Variants in HSF2 observed in about 807,000 individuals in gnomAD.
The protein encoded by HSF2 is heat shock factor protein 2.
A neutral mutation model predicts 65.0 loss-of-function variants in HSF2; 21 were observed. The ratio of observed to expected loss-of-function variants is 0.32; its 90% CI spans 0.23 to 0.47. The LOEUF (loss-of-function observed/expected upper bound fraction) is 0.47. Among genes scored for constraint, HSF2 ranks in the 20% least tolerant of loss-of-function variants. HSF2 has a pLI of 1.00. For missense variants in HSF2, 499 were observed against 628.1 expected (o/e 0.79, Z 2.20); for synonymous variants, 225 against 219.1 (o/e 1.03, Z -0.24).
Position 122,432,321 on chromosome 6 carries a change from G to C in HSF2, c.*101G>C, listed in dbSNP as rs977321497. On this transcript the variant is annotated 3_prime_UTR_variant, in exon 13 of 13. Transcript: ENST00000368455. ...CTTTTTTTGTAAATTGCTTTGTTTT[G>C]TTTAATCAGATACTGTGGAATAAAA... 3.0e-6 allele frequency: 3 copies of C among 987,724 alleles called. No homozygotes were observed. Among genetic ancestry groups the C allele is most frequent in the Non-Finnish European group, 4.5e-6 (3 of 664,886 alleles). The allele number at this position is 987,724 out of a possible 1,614,324, so 61.2% of individuals were successfully genotyped here. A position where few individuals can be genotyped will look rare whatever the true frequency, so the allele number is the denominator to read the frequency against.
chr6:122,431,979 A>ACC lies in HSF2; in HGVS notation c.1372_1373dup (p.Ala459LeufsTer20). On this transcript the variant is annotated frameshift_variant, in exon 13 of 13. Transcript: ENST00000368455. LOFTEE classifies it high-confidence loss of function. Reference sequence around the variant, plus strand: ...CCACTTCTTGCATTCCTCGATGGGAACCCTGCTTCTTCTGTTGAACAGGCG... The same window carrying ACC: ...CCACTTCTTGCATTCCTCGATGGGAACCCCCTGCTTCTTCTGTTGAACAGGCG... The ACC allele has an allele frequency of 6.2e-7, 1 of 1,614,002 alleles. No individual in the cohort carries two copies. Among genetic ancestry groups the ACC allele is most frequent in the Non-Finnish European group, 8.5e-7 (1 of 1,179,936 alleles).
At position 122,432,074 on chromosome 6, in the gene HSF2, A is replaced by G. The variant is rs748541263; in HGVS notation, c.1465A>G (p.Ser489Gly). 1.9e-6 allele frequency: 3 copies of G among 1,614,166 alleles called. No homozygotes were observed. In the South Asian group the frequency reaches 3.3e-5, roughly 18 times the overall value. Residue 489 changes from serine to glycine, a missense_variant, in exon 13 of 13, where the codon AGC becomes GGC. By Grantham distance (56) the Ser-to-Gly change is moderately conservative (BLOSUM62 0). Transcript: ENST00000368455. Reference protein sequence around the residue: ...KPIEVDELLDSSLDPEPTQSK... With the variant: ...KPIEVDELLDGSLDPEPTQSK... ...CATAGAAGTTGATGAGCTTCTGGAT[A>G]GCAGCCTAGACCCAGAACCAACCCA...
chr6:122,409,307 G>A (rs1002616474), intron 1 of HSF2, among the ~76,000 whole-genome samples: 1 of 152,022 alleles, frequency 6.6e-6, no homozygotes, highest in Non-Finnish European at 1.5e-5. Flanking sequence ...ACAGAGAGGT[G>A]TAGGAAGATC....
Position 122,423,604 on chromosome 6 carries a change from A to G in HSF2, c.1094A>G (p.Asp365Gly). The change falls in exon 10 of 13, where the codon GAC becomes GGC. Residue 365 changes from aspartate to glycine, a missense_variant. Asp to Gly is a moderately conservative substitution (Grantham distance 94). Around this residue, in one of 2 missense-constraint regions of HSF2, gnomAD observed 349 missense variants for 393.5 expected, o/e 0.89. Coordinates refer to ENST00000368455, the MANE Select transcript of HSF2 (RefSeq NM_004506.4). ...AGGGTTGAGCTGTTGGATTATCTTG[A>G]CAGTATTGACTGCAGTTTAGAGGAC... is the stretch of plus-strand genomic sequence containing the variant. ...LGKVELLDYL[D>G]SIDCSLEDFQ... is the part of the protein sequence containing the mutation. 1 of 1,607,534 alleles carries G rather than the reference A, an allele frequency of 6.2e-7. No individual in the cohort carries two copies. Among genetic ancestry groups the G allele is most frequent in the Non-Finnish European group, 8.5e-7 (1 of 1,176,066 alleles).
intron 1 of HSF2, among the ~76,000 whole-genome samples, chr6:122,410,304 T>C (rs888712231): frequency 6.6e-6 from 1 of 151,964 alleles, no homozygotes; most frequent in African/African-American, 2.4e-5. Flanking sequence ...TTTGTATTTC[T>C]ATAGTTTTAA....
At chr6:122,403,918 T>C (rs141964287) in intron 1 of HSF2, among the ~76,000 whole-genome samples, 99 of 152,298 alleles carry the variant, frequency 6.5e-4, no homozygotes, top group African/African-American at 2.3e-3. Flanking sequence ...AATGAAGTTA[T>C]ATAGTAAAAA....
intron 1 of HSF2, among the ~76,000 whole-genome samples, chr6:122,400,763 T>G (rs1773711058): frequency 6.6e-6 from 1 of 152,238 alleles, no homozygotes; most frequent in African/African-American, 2.4e-5. Context: ...AATACACTCC[T>G]AGGCTGTTGG....
intron 1 of HSF2, among the ~76,000 whole-genome samples, chr6:122,401,231 A>G (rs1409183925): frequency 6.6e-6 from 1 of 152,184 alleles, no homozygotes; most frequent in African/African-American, 2.4e-5. Flanking sequence ...GGTGAAAATA[A>G]GAAAGCCAGC....
intron 6 of HSF2, 113 bp downstream of exon 6, chr6:122,419,342 A>C: frequency 1.9e-6 from 1 of 539,978 alleles, no homozygotes; most frequent in Non-Finnish European, 3.3e-6. Flanking sequence ...CAAAAAGAAC[A>C]ATTCTCCTTT....
chr6:122,421,205 T>C (rs962549222), intron 7 of HSF2, among the ~76,000 whole-genome samples: 3 of 152,092 alleles, frequency 2.0e-5, no homozygotes, highest in African/African-American at 7.2e-5. Flanking sequence ...GGATAATTTG[T>C]CAGATTTCTA....
intron 5 of HSF2, among the ~76,000 whole-genome samples, chr6:122,417,148 G>GTT (rs376772134): frequency 2.1e-5 from 3 of 140,716 alleles, no homozygotes; most frequent in East Asian, 2.0e-4. Context: ...GATTTACTGT[G>GTT]TTTTTTTTTT....
At chr6:122,430,844 G>T (rs377094106) in intron 11 of HSF2, among the ~76,000 whole-genome samples, 5 of 152,026 alleles carry the variant, frequency 3.3e-5, no homozygotes, top group African/African-American at 9.7e-5. Context: ...GAAGAAAGTG[G>T]TTCAAAGAAG....
At chr6:122,419,495 C>CA (rs1420317860) in intron 6 of HSF2, among the ~76,000 whole-genome samples, 1 of 151,920 alleles carries the variant, frequency 6.6e-6, no homozygotes, top group African/African-American at 2.4e-5. Flanking sequence ...ACTTTTCATT[C>CA]ACATTATTAA....
At chr6:122,424,062 A>T (rs1198075125) in intron 10 of HSF2, among the ~76,000 whole-genome samples, 1 of 152,090 alleles carries the variant, frequency 6.6e-6, no homozygotes, top group African/African-American at 2.4e-5. Flanking sequence ...TAGCATGGAG[A>T]CACCTTTTGA....
In HSF2 at chr6:122,427,181, T is replaced by G. The variant is rs141835840; in HGVS notation, c.1177-722T>G. 3.7e-3 allele frequency among the ~76,000 whole-genome samples: 561 copies of G among 152,188 alleles called. 4 individuals carry two copies. Among genetic ancestry groups the G allele is most frequent in the Admixed American group, 6.4e-3 (97 of 15,250 alleles). On this transcript the variant is annotated intron_variant, in intron 10 of 12. Coordinates refer to ENST00000368455, the MANE Select transcript of HSF2 (RefSeq NM_004506.4). Reference sequence around the variant, plus strand: ...GATTATATCTGAACGTGTGTTGCTATTTGATGTTGGTCTTACCTTGTCCTT... The same window carrying G: ...GATTATATCTGAACGTGTGTTGCTAGTTGATGTTGGTCTTACCTTGTCCTT...
intron 5 of HSF2, among the ~76,000 whole-genome samples, chr6:122,417,537 G>A (rs963035825): frequency 3.9e-5 from 6 of 152,058 alleles, no homozygotes; most frequent in Non-Finnish European, 4.4e-5. Flanking sequence ...AATGCATGAC[G>A]ACAACCAATA....
rs1360438400 is a variant in HSF2 at position 122,422,275 on chromosome 6, G to A, written c.807G>A (p.Glu269=). 3 of 1,599,042 alleles carry A rather than the reference G, an allele frequency of 1.9e-6. No homozygotes were observed. Among genetic ancestry groups the A allele is most frequent in the Non-Finnish European group, 2.6e-6 (3 of 1,167,442 alleles). Residue 269 remains glutamate (E), a synonymous_variant, in exon 8 of 13, where the codon GAG becomes GAA. Transcript: ENST00000368455. ...ENIPVIPETN[E]DVISDPSNCS... The stretch of plus-strand genomic sequence containing the variant: ...TCCCAGTTATTCCAGAAACTAATGA[G>A]GATGTTATATCTGATCCCTCCAAGT...
chr6:122,423,511 G>T, intron 9 of HSF2, 70 bp from the exon 10 acceptor site: 4 of 729,558 alleles, frequency 5.5e-6, no homozygotes, highest in Non-Finnish European at 8.8e-6. Context: ...TAGCCAAGTT[G>T]TAATGGTGAT....
chr6:122,412,929 A>G (rs1471518595), intron 3 of HSF2, among the ~76,000 whole-genome samples, 165 bp downstream of exon 3: 1 of 151,514 alleles, frequency 6.6e-6, no homozygotes, highest in Non-Finnish European at 1.5e-5. Context: ...TTCCTAAGTT[A>G]GCTTAAAAAA....
Sources: gnomAD v4.1 joint callset for allele counts (sites outside exome capture counted in the v4.1 genomes callset) on GRCh38, gnomAD v4.1.1 for gene constraint, gnomAD v4.1.1 regional missense constraint, MANE v1.5 for transcripts, NCBI Gene and HGNC (gene_info 2026-07-23, HGNC 2026-07-21) for gene names.